Variants in IDH2 observed in about 807,000 individuals in gnomAD.
The protein encoded by IDH2 is isocitrate dehydrogenase (NADP(+)) 2.
Under a neutral mutation model 50.5 loss-of-function variants are expected in IDH2, and 18 were observed. The ratio of observed to expected loss-of-function variants is 0.36; its 90% CI spans 0.25 to 0.53. IDH2 has a LOEUF of 0.53. Among genes scored for constraint, IDH2 ranks in the 20% least tolerant of loss-of-function variants. The pLI is 0.92. For synonymous variants in IDH2, 280 were observed against 239.8 expected, an observed-to-expected ratio of 1.17 and a Z score of -1.55; for missense variants, 518 against 610.7, an observed-to-expected ratio of 0.85 and a Z score of 1.60.
At chr15:90,101,389 C>T (rs1430370180) in intron 1 of IDH2, among the ~76,000 whole-genome samples, 3 of 152,188 alleles carry the variant, frequency 2.0e-5, no homozygotes, top group Non-Finnish European at 4.4e-5. Flanking sequence ...GTTGGGTAGC[C>T]AGGGTGAGGG....
intron 4 of IDH2, 24 bp downstream of exon 4, chr15:90,088,563 G>A (rs1457067534): frequency 6.2e-7 from 1 of 1,614,194 alleles, no homozygotes; most frequent in Non-Finnish European, 8.5e-7. Flanking sequence ...CAGGTCAGTG[G>A]ATCCCCTCTC....
At chr15:90,095,805 G>A (rs1596079429) in intron 1 of IDH2, among the ~76,000 whole-genome samples, 1 of 152,236 alleles carries the variant, frequency 6.6e-6, no homozygotes. Flanking sequence ...AAGCAGGGCT[G>A]TCACCAAAGT....
At chr15:90,089,157 A>G (rs1461201262) in intron 3 of IDH2, among the ~76,000 whole-genome samples, 1 of 151,442 alleles carries the variant, frequency 6.6e-6, no homozygotes, top group South Asian at 2.1e-4. Context: ...CAGGTGATCC[A>G]CCCGCCTCGG....
At chr15:90,096,494 A>C (rs4932157) in intron 1 of IDH2, among the ~76,000 whole-genome samples, 65,234 of 151,700 alleles carry the variant, frequency 0.43, 15,935 homozygotes, top group Non-Finnish European at 0.56. Context: ...TCAGGAAAAG[A>C]AAAACAAAAC....
chr15:90,088,384 C>T lies in IDH2; in HGVS notation c.653G>A (p.Gly218Asp), dbSNP rs1174854555. Residue 218 changes from glycine (G) to aspartate (D), a missense_variant, in exon 5 of 11, where the codon GGC (glycine) becomes GAC (aspartate). Transcript: ENST00000330062. Reference sequence around the variant, plus strand: ...CTCGTCGGTGTTGTACATGCCCATGCCCACGCCGCCTGCGGGGAAGTTGTA... The same window carrying T: ...CTCGTCGGTGTTGTACATGCCCATGTCCACGCCGCCTGCGGGGAAGTTGTA... The part of the protein sequence containing the change: ...EVYNFPAGGV[G>D]MGMYNTDESI... The T allele has an allele frequency of 1.2e-6, 2 of 1,613,930 alleles. No homozygotes were observed. Among genetic ancestry groups the T allele is most frequent in the Non-Finnish European group, 1.7e-6 (2 of 1,180,058 alleles).
Position 90,085,352 on chromosome 15 carries a change from C to T in IDH2, c.1003G>A (p.Val335Ile), listed in dbSNP as rs140596855. The part of the protein sequence containing the change: ...GSLGLMTSVL[V>I]CPDGKTIEAE... ...TCAATCGTCTTCCCATCAGGGCAGA[C>T]CAGGACGGACGTCATCAGGCCAAGG... The change falls in exon 8 of 11, where the codon GTC becomes ATC. Residue 335 changes from valine (V) to isoleucine (I), a missense_variant. Val to Ile is a conservative substitution (Grantham distance 29). Around this residue, in one of 5 missense-constraint regions of IDH2, gnomAD observed 135 missense variants for 167.6 expected, o/e 0.81. Transcript: ENST00000330062. This position sits in a 1 kb window ranked among gnomAD's most constrained non-coding sequence, Gnocchi z 5.5. 231 of 1,556,862 alleles carry T rather than the reference C, an allele frequency of 1.5e-4. 1 individual carries two copies. The highest frequency in any genetic ancestry group is 8.3e-4 in the Middle Eastern group (5 of 6,016).
rs918927840 is a variant in IDH2 at position 90,090,775 on chromosome 15, G to C, written c.208-131C>G. ...AAACAGGGATGAGTGAAGGCCAGTGGAGGGGCGCAGCAGAAAGCTGGAGTC... is the reference window on the plus strand; with the variant it reads ...AAACAGGGATGAGTGAAGGCCAGTGCAGGGGCGCAGCAGAAAGCTGGAGTC... On this transcript the variant is annotated intron_variant, in intron 2 of 10. Transcript: ENST00000330062. The C allele has an allele frequency of 1.1e-5, 10 of 937,200 alleles. No individual in the cohort carries two copies. In the African/African-American group the frequency reaches 1.6e-4, roughly 15 times the overall value. The allele number at this position is 937,200 out of a possible 1,614,324, so 58.1% of individuals were successfully genotyped here.
intron 1 of IDH2, among the ~76,000 whole-genome samples, chr15:90,099,214 T>C (rs2151556168): frequency 6.6e-6 from 1 of 152,282 alleles, no homozygotes; most frequent in South Asian, 2.1e-4. Flanking sequence ...AAAAATGGCC[T>C]GTGAGCCCTC....
chr15:90,097,414 A>G (rs10459675), intron 1 of IDH2, among the ~76,000 whole-genome samples: 152,305 of 152,316 alleles, frequency 1, 76,147 homozygotes, highest in Non-Finnish European at 1. Flanking sequence ...TCCACTGGGG[A>G]TCTTGAAATG....
chr15:90,087,310 G>A, intron 6 of IDH2, 47 bp from the exon 7 acceptor site: 1 of 1,613,522 alleles, frequency 6.2e-7, no homozygotes, highest in Non-Finnish European at 8.5e-7. Context: ...AAGGCTGACA[G>A]GTTGGGGATC....
At position 90,083,827 on chromosome 15, in the gene IDH2, C is replaced by T. The variant is rs1052713525; in HGVS notation, c.*439G>A. On this transcript the variant is annotated 3_prime_UTR_variant, in exon 11 of 11. Transcript: ENST00000330062. The stretch of plus-strand genomic sequence containing the variant: ...CTCCGCAGTGGGCCCCTGTGGAATG[C>T]GGGCTCCCAGGGCTGCCTGGTCCCT... 1.8e-5 allele frequency: 5 copies of T among 275,756 alleles called. No homozygotes were observed. The highest frequency in any genetic ancestry group is 3.5e-5 in the Non-Finnish European group (5 of 142,774). 17.1% of individuals were successfully genotyped at this position (275,756 alleles called of 1,614,324 possible).
rs764224566 is a variant in IDH2, at chr15:90,088,593, G to A, written c.528C>T (p.Gly176=). 3 of 1,614,222 alleles carry A rather than the reference G, an allele frequency of 1.9e-6. No individual in the cohort carries two copies. Among genetic ancestry groups the A allele is most frequent in the Non-Finnish European group, 2.5e-6 (3 of 1,180,046 alleles). Residue 176 remains glycine (G), a synonymous_variant, in exon 4 of 11, where the codon GGC becomes GGT. Coordinates refer to ENST00000330062, the MANE Select transcript of IDH2 (RefSeq NM_002168.4). ...CCTCTCCACCCTGGCCTACCTGGTC[G>A]CCATGGGCGTGCCTGCCAATGGTGA... ...KPITIGRHAH[G]DQYKATDFVA... is the part of the protein sequence containing the mutation.
chr15:90,095,569 G>A (rs558647887), intron 1 of IDH2, among the ~76,000 whole-genome samples: 2 of 152,086 alleles, frequency 1.3e-5, no homozygotes, highest in Admixed American at 6.6e-5. Context: ...TGGGCTCCAC[G>A]GTTGGGCTTC....
At chr15:90,095,304 C>T (rs1176014301) in intron 1 of IDH2, among the ~76,000 whole-genome samples, 1 of 152,060 alleles carries the variant, frequency 6.6e-6, no homozygotes, top group Non-Finnish European at 1.5e-5. Context: ...TTTCCCAAGA[C>T]GCGATGGGGA....
chr15:90,093,240 G>A (rs1389804835), intron 1 of IDH2, among the ~76,000 whole-genome samples: 1 of 152,198 alleles, frequency 6.6e-6, no homozygotes, highest in Non-Finnish European at 1.5e-5. Flanking sequence ...TGTTGCCCAA[G>A]CCAGGCTCAG....
In IDH2 at chr15:90,084,340, C is replaced by A; in HGVS notation, c.1285G>T (p.Glu429Ter). 2 of 1,613,916 alleles carry A rather than the reference C, an allele frequency of 1.2e-6. No individual in the cohort carries two copies. The highest frequency in any genetic ancestry group is 1.7e-6 in the Non-Finnish European group (2 of 1,179,938). The change falls in exon 11 of 11, where the codon GAG becomes TAG. Residue 429 changes from glutamate (E) to a stop codon, truncating the protein, a stop_gained. Coordinates refer to ENST00000330062, the MANE Select transcript of IDH2 (RefSeq NM_002168.4). LOFTEE classifies it high-confidence loss of function. The surrounding 1 kb of genome is among the most constrained non-coding windows in gnomAD (Gnocchi z 5.0). Reference protein sequence around the residue: ...IHGLSNVKLNEHFLNTTDFLD... With the variant: ...IHGLSNVKLN ...AAGTCCGTGGTGTTCAGGAAGTGCTCGTTCAGCTTCACACTGCAGAGAGAG... is the reference window on the plus strand; with the variant it reads ...AAGTCCGTGGTGTTCAGGAAGTGCTAGTTCAGCTTCACACTGCAGAGAGAG...
chr15:90,085,511 C>G lies in IDH2; in HGVS notation c.968-124G>C. ...GTTCGTGGCTCTACTCAGCCTCCCC[C>G]AGCTGCAACTGGGAGGACAGGGACT... On this transcript the variant is annotated intron_variant, in intron 7 of 10. Coordinates refer to ENST00000330062, the MANE Select transcript of IDH2 (RefSeq NM_002168.4). The surrounding 1 kb of genome is among the most constrained non-coding windows in gnomAD (Gnocchi z 5.5). The G allele has an allele frequency of 6.7e-6, 5 of 741,756 alleles. No homozygotes were observed. The highest frequency in any genetic ancestry group is 2.2e-4 in the Middle Eastern group (1 of 4,452). 45.9% of individuals were successfully genotyped at this position (741,756 alleles called of 1,614,324 possible). A position where few individuals can be genotyped will look rare whatever the true frequency, so the allele number is the denominator to read the frequency against.
intron 1 of IDH2, among the ~76,000 whole-genome samples, chr15:90,094,339 C>T (rs747545108): frequency 1.3e-5 from 2 of 152,182 alleles, no homozygotes; most frequent in African/African-American, 4.8e-5. Flanking sequence ...ATAGGGGCAC[C>T]GGGGCACCAG....
At chr15:90,090,272 G>C (rs1267541815) in intron 3 of IDH2, among the ~76,000 whole-genome samples, 1 of 152,170 alleles carries the variant, frequency 6.6e-6, no homozygotes, top group Non-Finnish European at 1.5e-5. Context: ...CATCAAAGGT[G>C]ACCTCTGAGG....
Sources: allele counts gnomAD v4.1 joint callset (sites outside exome capture counted in the v4.1 genomes callset), GRCh38; gene constraint gnomAD v4.1.1; regional missense constraint gnomAD v4.1.1; non-coding constraint Gnocchi (gnomAD v3.1); transcripts MANE v1.5; gene names NCBI Gene and HGNC (gene_info 2026-07-23, HGNC 2026-07-21).